Variants in KCNIP4 observed in about 807,000 individuals in gnomAD.
The protein encoded by KCNIP4 is Kv channel-interacting protein 4.
Under a neutral mutation model 34.0 loss-of-function variants are expected in KCNIP4, and 12 were observed. The observed-to-expected ratio is 0.35, with a 90% confidence interval of 0.23 to 0.57. The LOEUF is 0.57. Ranked by LOEUF, KCNIP4 falls within the 20% of genes least tolerant of loss-of-function variation. KCNIP4 has a pLI of 0.83. For missense variants in KCNIP4, 238 were observed against 311.7 expected (o/e 0.76, Z 1.78); for synonymous variants, 124 against 102.2 (o/e 1.21, Z -1.29).
intron 1 of KCNIP4, among the ~76,000 whole-genome samples, chr4:21,802,199 CCAA>C (rs34204403): frequency 0.38 from 57,997 of 151,786 alleles, 12,581 homozygotes; most frequent in Non-Finnish European, 0.51. Context: ...CTGACTTTCT[CCAA>C]CAACAAGTGA....
chr4:21,104,944 A>G lies in KCNIP4; in HGVS notation c.62-222235T>C, dbSNP rs917668110. Among the ~76,000 whole-genome samples, 4 of 151,526 alleles carry G rather than the reference A, an allele frequency of 2.6e-5. 1 individual carries two copies. Among genetic ancestry groups the G allele is most frequent in the African/African-American group, 9.8e-5 (4 of 40,870 alleles). Reference sequence around the variant, plus strand: ...CTTTCTGAGGACTCTGTTCTGTTCCATTGGTCTATATCTCTGTTTTGGTAC... The same window carrying G: ...CTTTCTGAGGACTCTGTTCTGTTCCGTTGGTCTATATCTCTGTTTTGGTAC... On this transcript the variant is annotated intron_variant, in intron 1 of 8. Transcript: ENST00000382152.
intron 1 of KCNIP4, among the ~76,000 whole-genome samples, chr4:21,297,304 C>T (rs934635958): frequency 7.2e-5 from 11 of 151,964 alleles, no homozygotes; most frequent in East Asian, 1.9e-4. Context: ...TATTACTAAA[C>T]GTATTCAGAC....
intron 1 of KCNIP4, among the ~76,000 whole-genome samples, chr4:21,108,836 G>C (rs1466525215): frequency 6.6e-6 from 1 of 152,146 alleles, no homozygotes; most frequent in Admixed American, 6.5e-5. Context: ...CTCAGCTGCA[G>C]GTCTGTTGGA....
intron 1 of KCNIP4, among the ~76,000 whole-genome samples, chr4:21,858,657 C>A (rs1466085437): frequency 6.6e-6 from 1 of 152,136 alleles, no homozygotes; most frequent in Admixed American, 6.5e-5. Context: ...TAATAAGGTA[C>A]CACCAAAATA....
intron 5 of KCNIP4, among the ~76,000 whole-genome samples, chr4:20,735,163 T>C (rs1253609790): frequency 1.3e-5 from 2 of 152,146 alleles, no homozygotes; most frequent in East Asian, 3.8e-4. Context: ...GATAAACCAA[T>C]TGTGGTCTTT....
intron 1 of KCNIP4, among the ~76,000 whole-genome samples, chr4:21,908,802 C>T (rs1052892060): frequency 2.0e-5 from 3 of 152,140 alleles, no homozygotes; most frequent in Non-Finnish European, 2.9e-5. Context: ...GTTGAAAAAA[C>T]TACTGAACTA....
At position 21,342,452 on chromosome 4, in the gene KCNIP4, G is replaced by C. The variant is rs149624417; in HGVS notation, c.62-459743C>G. ...CTCATTAATAAACATTGTCACTATT[G>C]CTCACTAGAGGAAATTGAAAGCTTA... On this transcript the variant is annotated intron_variant, in intron 1 of 8. Transcript: ENST00000382152. 7.2e-4 allele frequency among the ~76,000 whole-genome samples: 109 copies of C among 152,126 alleles called. 1 individual carries two copies. In the East Asian group the frequency reaches 0.016, roughly 22 times the overall value.
At chr4:20,940,782 A>T (rs1402614738) in intron 1 of KCNIP4, among the ~76,000 whole-genome samples, 1 of 152,202 alleles carries the variant, frequency 6.6e-6, no homozygotes, top group Non-Finnish European at 1.5e-5. Flanking sequence ...TCTTTGAACT[A>T]CCTTTGTCCA....
chr4:21,532,396 T>TA (rs1448159683), intron 1 of KCNIP4, among the ~76,000 whole-genome samples: 5 of 152,170 alleles, frequency 3.3e-5, no homozygotes, highest in African/African-American at 9.7e-5. Flanking sequence ...TACTTAATAA[T>TA]AGATACATTT....
intron 1 of KCNIP4, among the ~76,000 whole-genome samples, chr4:21,932,995 G>A (rs577311878): frequency 3.8e-4 from 53 of 140,946 alleles, no homozygotes; most frequent in African/African-American, 4.9e-4. Context: ...TGAGTTCTAC[G>A]TAACAGACCA....
chr4:21,167,256 T>C (rs1753698728), intron 1 of KCNIP4, among the ~76,000 whole-genome samples: 1 of 152,158 alleles, frequency 6.6e-6, no homozygotes, highest in Non-Finnish European at 1.5e-5. Context: ...ATGATAGATA[T>C]ATATGTTCAC....
intron 1 of KCNIP4, among the ~76,000 whole-genome samples, chr4:20,939,411 A>G (rs1731407884): frequency 1.3e-5 from 2 of 151,962 alleles, no homozygotes; most frequent in African/African-American, 4.8e-5. Flanking sequence ...TGGAGTCTCT[A>G]TCGCCAGGCT....
At chr4:21,018,658 C>G (rs925254868) in intron 1 of KCNIP4, among the ~76,000 whole-genome samples, 13 of 152,160 alleles carry the variant, frequency 8.5e-5, no homozygotes, top group Non-Finnish European at 1.6e-4. Context: ...TCCCCCTCTC[C>G]TTCACTTAGG....
chr4:21,853,256 T>C (rs1262845295), intron 1 of KCNIP4: 1 of 152,106 alleles, frequency 6.6e-6, no homozygotes, highest in African/African-American at 2.4e-5. Flanking sequence ...CAAAAATGAT[T>C]ATGAAGTCAC....
chr4:21,753,429 G>C (rs1380584406), intron 1 of KCNIP4, among the ~76,000 whole-genome samples: 1 of 152,130 alleles, frequency 6.6e-6, no homozygotes, highest in Non-Finnish European at 1.5e-5. Context: ...TGTTTAAATA[G>C]CATGAGTTTT....
chr4:21,033,719 TA>T (rs913066654), intron 1 of KCNIP4, among the ~76,000 whole-genome samples: 2 of 152,186 alleles, frequency 1.3e-5, no homozygotes, highest in Non-Finnish European at 2.9e-5. Flanking sequence ...ACTCTCTATA[TA>T]AAGTCTTCTA....
At chr4:21,779,266 A>G (rs1479911057) in intron 1 of KCNIP4, among the ~76,000 whole-genome samples, 1 of 152,188 alleles carries the variant, frequency 6.6e-6, no homozygotes, top group African/African-American at 2.4e-5. Flanking sequence ...GGGTCACAAA[A>G]CAGGGCGGCA....
rs775840910 is a variant in KCNIP4 at position 21,740,335 on chromosome 4, C to T, written c.61+208236G>A. Among the ~76,000 whole-genome samples the T allele has an allele frequency of 2.6e-4, 39 of 151,960 alleles. 1 individual carries two copies. The highest frequency in any genetic ancestry group is 7.4e-5 in the Non-Finnish European group (5 of 67,908). On this transcript the variant is annotated intron_variant, in intron 1 of 8. Transcript: ENST00000382152. ...AAACTAAAGTATTTTCAAAGACCTA[C>T]CCTTTCTCCCTTCATTCATTCTTTC...
intron 1 of KCNIP4, among the ~76,000 whole-genome samples, chr4:21,906,769 C>T (rs555993786): frequency 1.2e-4 from 18 of 152,094 alleles, no homozygotes; most frequent in African/African-American, 4.1e-4. Flanking sequence ...ATACCCTGCC[C>T]TGATAACATC....
Sources: allele counts gnomAD v4.1 joint callset (sites outside exome capture counted in the v4.1 genomes callset), GRCh38; gene constraint gnomAD v4.1.1; transcripts MANE v1.5; gene names NCBI Gene and HGNC (gene_info 2026-07-23, HGNC 2026-07-21).